FLRT2: variants seen among roughly 807,000 people sequenced by gnomAD.
FLRT2 encodes leucine-rich repeat transmembrane protein FLRT2.
In FLRT2, 15 loss-of-function variants were observed where a neutral mutation model predicts 40.0. The ratio of observed to expected loss-of-function variants is 0.38; its 90% CI spans 0.25 to 0.58. The LOEUF is 0.58. Among genes scored for constraint, FLRT2 ranks in the 20% least tolerant of loss-of-function variants. FLRT2 has a pLI of 0.71. For missense variants in FLRT2, 726 were observed against 840.0 expected, an observed-to-expected ratio of 0.86 and a Z score of 1.68; for synonymous variants, 380 against 336.8, an observed-to-expected ratio of 1.13 and a Z score of -1.41.
chr14:85,552,942 C>T (rs1232800204), intron 1 of FLRT2: 1 of 152,148 alleles, frequency 6.6e-6, no homozygotes, highest in African/African-American at 2.4e-5. Flanking sequence ...AGTTGTAGAA[C>T]ACTGCAGGAG....
intron 1 of FLRT2, among the ~76,000 whole-genome samples, chr14:85,566,228 A>C (rs1890608654): frequency 6.6e-6 from 1 of 152,174 alleles, no homozygotes; most frequent in African/African-American, 2.4e-5. Flanking sequence ...ACCCACTATC[A>C]CAATGATACT....
In FLRT2 at chr14:85,603,229, C is replaced by G. The variant is rs145283697; in HGVS notation, c.-376-17910C>G. Among the ~76,000 whole-genome samples the G allele has an allele frequency of 1.7e-3, 263 of 152,192 alleles. 2 individuals carry two copies. The highest frequency in any genetic ancestry group is 0.014 in the Middle Eastern group (4 of 294). On this transcript the variant is annotated intron_variant, in intron 1 of 1. Coordinates refer to ENST00000330753, the MANE Select transcript of FLRT2 (RefSeq NM_013231.6). ...CTGAATTCCCTGAAGGTACTTGGTA[C>G]AAGCTGCAACAGAGAACAACGCCTG... is the stretch of plus-strand genomic sequence containing the variant.
At position 85,628,314 on chromosome 14, in the gene FLRT2, A is replaced by T. The variant is rs949506335; in HGVS notation, c.*4817A>T. Reference sequence around the variant, plus strand: ...GCTATTGGCTTTATTTTTTATTTTTAAATTTTTTTTAAACACGGTCTTACC... The same window carrying T: ...GCTATTGGCTTTATTTTTTATTTTTTAATTTTTTTTAAACACGGTCTTACC... On this transcript the variant is annotated 3_prime_UTR_variant, in exon 2 of 2. Coordinates refer to ENST00000330753, the MANE Select transcript of FLRT2 (RefSeq NM_013231.6). 6.6e-6 allele frequency: 1 copy of T among 151,990 alleles called. No homozygotes were observed. Among genetic ancestry groups the T allele is most frequent in the Admixed American group, 6.6e-5 (1 of 15,264 alleles). 9.4% of individuals were successfully genotyped at this position (151,990 alleles called of 1,614,324 possible). A position where few individuals can be genotyped will look rare whatever the true frequency, so the allele number is the denominator to read the frequency against.
intron 1 of FLRT2, among the ~76,000 whole-genome samples, chr14:85,606,521 CTTTTTTTTTT>C (rs532159794): frequency 1.0e-5 from 1 of 99,988 alleles, no homozygotes; most frequent in Non-Finnish European, 1.9e-5. Flanking sequence ...AGCTGTTACT[CTTTTTTTTTT>C]TTTTTTTTTT....
rs1001729160 is a variant in FLRT2, at chr14:85,652,723, T to C, written c.*29226T>C. The stretch of plus-strand genomic sequence containing the variant: ...AATTAAGTTGCTTAGAATGAACATA[T>C]AGCTGAACTAATAAGCATGAAATAT... On this transcript the variant is annotated 3_prime_UTR_variant, in exon 2 of 2. Transcript: ENST00000330753. 2.6e-5 allele frequency: 4 copies of C among 152,214 alleles called. No homozygotes were observed. Among genetic ancestry groups the C allele is most frequent in the African/African-American group, 7.2e-5 (3 of 41,458 alleles). 9.4% of individuals were successfully genotyped at this position (152,214 alleles called of 1,614,324 possible).
chr14:85,609,321 A>AG (rs1443117285), intron 1 of FLRT2, among the ~76,000 whole-genome samples: 1 of 152,062 alleles, frequency 6.6e-6, no homozygotes, highest in Non-Finnish European at 1.5e-5. Flanking sequence ...CCCTGATAGG[A>AG]GGGGTGTTGG....
rs990887429 is a variant in FLRT2, at chr14:85,648,830, G to A, written c.*25333G>A. 2.0e-5 allele frequency: 3 copies of A among 152,210 alleles called. No individual in the cohort carries two copies. The highest frequency in any genetic ancestry group is 7.2e-5 in the African/African-American group (3 of 41,532). The allele number at this position is 152,210 out of a possible 1,614,324, so 9.4% of individuals were successfully genotyped here. On this transcript the variant is annotated 3_prime_UTR_variant, in exon 2 of 2. Transcript: ENST00000330753. ...ATGCCTGCCTCCCATTAAGTTATAA[G>A]ATCCAGGAATTTAATAATTTATTTT...
chr14:85,545,247 G>A (rs1488726591), intron 1 of FLRT2, among the ~76,000 whole-genome samples: 1 of 152,056 alleles, frequency 6.6e-6, no homozygotes, highest in Non-Finnish European at 1.5e-5. Flanking sequence ...TTGATCGTAA[G>A]GTTTATTTAG....
chr14:85,571,943 T>C (rs757739478), intron 1 of FLRT2, among the ~76,000 whole-genome samples: 1 of 152,198 alleles, frequency 6.6e-6, no homozygotes, highest in Non-Finnish European at 1.5e-5. Flanking sequence ...GTCTTACCTA[T>C]GCAACCCCAA....
At chr14:85,539,469 C>A (rs1399617180) in intron 1 of FLRT2, among the ~76,000 whole-genome samples, 2 of 152,014 alleles carry the variant, frequency 1.3e-5, no homozygotes, top group Non-Finnish European at 2.9e-5. Context: ...TTTACCTGTT[C>A]TGAATGAGTA....
chr14:85,531,753 A>G (rs965913705), intron 1 of FLRT2, among the ~76,000 whole-genome samples: 3 of 152,142 alleles, frequency 2.0e-5, no homozygotes, highest in African/African-American at 4.8e-5. Context: ...TATTAGTCAC[A>G]TACTGTGGGG....
At position 85,621,360 on chromosome 14, in the gene FLRT2, A is replaced by C; in HGVS notation, c.-155A>C. 1.5e-6 allele frequency: 1 copy of C among 668,792 alleles called. No homozygotes were observed. The highest frequency in any genetic ancestry group is 2.0e-5 in the South Asian group (1 of 49,132). The allele number at this position is 668,792 out of a possible 1,614,324, so 41.4% of individuals were successfully genotyped here. A position where few individuals can be genotyped will look rare whatever the true frequency, so the allele number is the denominator to read the frequency against. On this transcript the variant is annotated 5_prime_UTR_variant, in exon 2 of 2. Coordinates refer to ENST00000330753, the MANE Select transcript of FLRT2 (RefSeq NM_013231.6). Reference sequence around the variant, plus strand: ...ACAGGCTGATAAGACCAGAGACAGCAGGGAGATTATTTTACCATACGCCCT... The same window carrying C: ...ACAGGCTGATAAGACCAGAGACAGCCGGGAGATTATTTTACCATACGCCCT...
At chr14:85,590,731 G>C (rs1016023343) in intron 1 of FLRT2, among the ~76,000 whole-genome samples, 3 of 152,038 alleles carry the variant, frequency 2.0e-5, no homozygotes, top group African/African-American at 2.4e-5. Context: ...CCCGATAGCT[G>C]GGACTACAGG....
At chr14:85,587,538 G>T (rs1308130818) in intron 1 of FLRT2, among the ~76,000 whole-genome samples, 1 of 151,856 alleles carries the variant, frequency 6.6e-6, no homozygotes, top group African/African-American at 2.4e-5. Flanking sequence ...TGATCTTCAA[G>T]TTCCAACTAT....
Position 85,621,553 on chromosome 14 carries a change from T to C in FLRT2, c.39T>C (p.Ala13=), listed in dbSNP as rs1232383740. The C allele has an allele frequency of 6.2e-7, 1 of 1,613,474 alleles. No individual in the cohort carries two copies. Among genetic ancestry groups the C allele is most frequent in the South Asian group, 1.1e-5 (1 of 91,026 alleles). ...CCACAAAGTGGCCCAGCCATGGGGC[T>C]TTTTTCCTGAAGTCTTGGCTTATCA... ...LQTTKWPSHG[A]FFLKSWLIIS... is the part of the protein sequence containing the mutation. The change falls in exon 2 of 2, where the codon GCT becomes GCC. Residue 13 remains alanine (A), a synonymous_variant. Transcript: ENST00000330753.
chr14:85,604,032 A>G (rs769910988), intron 1 of FLRT2, among the ~76,000 whole-genome samples: 51 of 152,254 alleles, frequency 3.3e-4, no homozygotes, highest in Non-Finnish European at 5.7e-4. Context: ...GCTTTCTTCA[A>G]TATCATTTTG....
chr14:85,545,474 T>A (rs1315358492), intron 1 of FLRT2, among the ~76,000 whole-genome samples: 9 of 152,184 alleles, frequency 5.9e-5, no homozygotes, highest in Non-Finnish European at 1.2e-4. Flanking sequence ...AATTTGTTTG[T>A]CCATGGCTTA....
chr14:85,616,114 A>C (rs965482288), intron 1 of FLRT2, among the ~76,000 whole-genome samples: 3 of 152,090 alleles, frequency 2.0e-5, no homozygotes, highest in Non-Finnish European at 4.4e-5. Context: ...GAGACTGGCA[A>C]GGACGGGTTC....
chr14:85,622,667 A>T lies in FLRT2; in HGVS notation c.1153A>T (p.Thr385Ser), dbSNP rs760440790. The T allele has an allele frequency of 6.2e-7, 1 of 1,613,276 alleles. No homozygotes were observed. Among genetic ancestry groups the T allele is most frequent in the Non-Finnish European group, 8.5e-7 (1 of 1,179,832 alleles). ...STASPTTQPP[T>S]LSIPNPSRSY... ...AGCTTCTCCGACCACTCAGCCTCCC[A>T]CCCTCTCTATTCCAAACCCTAGCAG... Residue 385 changes from threonine (T) to serine (S), a missense_variant, in exon 2 of 2, where the codon ACC becomes TCC. Transcript: ENST00000330753.
Sources: allele counts gnomAD v4.1 joint callset (sites outside exome capture counted in the v4.1 genomes callset), GRCh38; gene constraint gnomAD v4.1.1; transcripts MANE v1.5; gene names NCBI Gene and HGNC (gene_info 2026-07-23, HGNC 2026-07-21).